The following PPARGC1A variants were observed in gnomAD, a reference collection of about 807,000 sequenced individuals.
PPARGC1A encodes peroxisome proliferator-activated receptor gamma coactivator 1-alpha.
A neutral mutation model predicts 88.7 loss-of-function variants in PPARGC1A; 25 were observed. The ratio of observed to expected loss-of-function variants is 0.28; its 90% CI spans 0.21 to 0.39. PPARGC1A has a LOEUF of 0.39. PPARGC1A is among the 10% of genes least tolerant of loss of function. The pLI, the probability that PPARGC1A is intolerant of heterozygous loss-of-function variation, is 1.00. For missense variants in PPARGC1A, 880 were observed against 968.7 expected, an observed-to-expected ratio of 0.91 and a Z score of 1.22; for synonymous variants, 363 against 355.6, an observed-to-expected ratio of 1.02 and a Z score of -0.24.
At chr4:23,857,798 T>G (rs1048596726) in intron 2 of PPARGC1A, among the ~76,000 whole-genome samples, 1 of 151,798 alleles carries the variant, frequency 6.6e-6, no homozygotes. Flanking sequence ...CTATTGACAT[T>G]TGAATCGTGA....
the PPARGC1A span, among the ~76,000 whole-genome samples, chr4:24,368,829 C>T: frequency 6.6e-6 from 1 of 152,086 alleles, no homozygotes; most frequent in East Asian, 1.9e-4. Context: ...TCAGGAGACG[C>T]GGAAGAAACG....
chr4:23,954,058 A>G, the PPARGC1A span, among the ~76,000 whole-genome samples: 1 of 151,930 alleles, frequency 6.6e-6, no homozygotes, highest in Non-Finnish European at 1.5e-5. Flanking sequence ...AACTCTGCAT[A>G]GCAATTTCAC....
rs1393162482 is a variant in PPARGC1A at position 23,793,653 on chromosome 4, A to G, written c.*2169T>C. ...AACTTGAATACACACTCCAAATGTT[A>G]CTGAATTCCATTCCAGGGACTCCAC... On this transcript the variant is annotated 3_prime_UTR_variant, in exon 13 of 13. Transcript: ENST00000264867. 1 of 152,184 alleles carries G rather than the reference A, an allele frequency of 6.6e-6. No individual in the cohort carries two copies. The highest frequency in any genetic ancestry group is 6.6e-5 in the Admixed American group (1 of 15,264). 9.4% of individuals were successfully genotyped at this position (152,184 alleles called of 1,614,324 possible).
chr4:23,895,960 GTGTGTGTGTGTGTGTGTGTGTATA>G (rs1372678632), intron 1 of PPARGC1A, among the ~76,000 whole-genome samples: 2 of 52,190 alleles, frequency 3.8e-5, no homozygotes, highest in African/African-American at 3.6e-4. Flanking sequence ...GTGTGTGTGT[GTGTGTGTGTGTGTGTGTGTGTATA>G]TATATATACA....
chr4:24,117,154 T>C, the PPARGC1A span, among the ~76,000 whole-genome samples: 2 of 152,136 alleles, frequency 1.3e-5, no homozygotes, highest in African/African-American at 4.8e-5. Context: ...CCCAAAGTAA[T>C]AATATCCCAT....
At chr4:24,268,778 G>A in the PPARGC1A span, among the ~76,000 whole-genome samples, 6 of 152,124 alleles carry the variant, frequency 3.9e-5, no homozygotes, top group African/African-American at 1.4e-4. Flanking sequence ...AAATAATTCT[G>A]ATTAAAATAT....
chr4:24,172,593 T>A, the PPARGC1A span, among the ~76,000 whole-genome samples: 1 of 152,160 alleles, frequency 6.6e-6, no homozygotes, highest in Non-Finnish European at 1.5e-5. Context: ...AAGAGGAGGA[T>A]TAAAGTCCTA....
intron 4 of PPARGC1A, 137 bp from the exon 5 acceptor site, chr4:23,828,741 T>A (rs1272030892): frequency 4.1e-6 from 3 of 725,398 alleles, no homozygotes; most frequent in Non-Finnish European, 6.9e-6. Flanking sequence ...TGTGAATAAC[T>A]GTTTGCAGAA....
the PPARGC1A span, among the ~76,000 whole-genome samples, chr4:24,165,513 A>T: frequency 6.6e-6 from 1 of 151,972 alleles, no homozygotes; most frequent in Non-Finnish European, 1.5e-5. Context: ...AGATAATGCA[A>T]TTTTTTTTAC....
At chr4:24,091,521 G>A in the PPARGC1A span, 10 of 985,332 alleles carry the variant, frequency 1.0e-5, no homozygotes, top group Non-Finnish European at 1.2e-5. Context: ...TCCAGCCTTG[G>A]GGAGGTCTCA....
At chr4:24,050,463 TGGGATTACA>T in the PPARGC1A span, among the ~76,000 whole-genome samples, 1 of 152,102 alleles carries the variant, frequency 6.6e-6, no homozygotes, top group East Asian at 1.9e-4. Flanking sequence ...CCCAAAGTGC[TGGGATTACA>T]GGCGTGAGCT....
chr4:24,144,852 G>A, the PPARGC1A span, among the ~76,000 whole-genome samples: 1 of 151,548 alleles, frequency 6.6e-6, no homozygotes, highest in Non-Finnish European at 1.5e-5. Context: ...TCACCGAGGT[G>A]GTATTTTGGT....
the PPARGC1A span, among the ~76,000 whole-genome samples, chr4:24,459,747 C>T: frequency 6.6e-5 from 10 of 152,284 alleles, no homozygotes; most frequent in Admixed American, 1.3e-4. Context: ...GCCAAGATTG[C>T]GCCGCTGAAA....
At chr4:23,808,407 T>C (rs890085708) in intron 10 of PPARGC1A, among the ~76,000 whole-genome samples, 5 of 152,052 alleles carry the variant, frequency 3.3e-5, no homozygotes, top group African/African-American at 1.2e-4. Context: ...CCTGAGCACA[T>C]CTAGTTTTGG....
the PPARGC1A span, among the ~76,000 whole-genome samples, chr4:24,238,745 ATGTGTGTG>A: frequency 0.015 from 1,880 of 121,822 alleles, 13 homozygotes; most frequent in South Asian, 0.027. Context: ...AAGGTTGTAT[ATGTGTGTG>A]TGTGTGTGTG....
the PPARGC1A span, among the ~76,000 whole-genome samples, chr4:23,987,789 C>T: frequency 6.6e-6 from 1 of 151,810 alleles, no homozygotes; most frequent in Non-Finnish European, 1.5e-5. Context: ...TCTACAGATG[C>T]CTTTATTATT....
the PPARGC1A span, among the ~76,000 whole-genome samples, chr4:24,153,720 AAT>A: frequency 6.6e-6 from 1 of 152,216 alleles, no homozygotes; most frequent in Non-Finnish European, 1.5e-5. Flanking sequence ...TGCTATAATT[AAT>A]AGAGGTTAAT....
At chr4:24,129,220 T>C in the PPARGC1A span, among the ~76,000 whole-genome samples, 1 of 151,588 alleles carries the variant, frequency 6.6e-6, no homozygotes, top group Admixed American at 6.6e-5. Flanking sequence ...ATTTCATCTT[T>C]CGGATTTCAA....
chr4:23,848,690 A>AT (rs1274226466), intron 2 of PPARGC1A, among the ~76,000 whole-genome samples: 2 of 152,102 alleles, frequency 1.3e-5, no homozygotes, highest in Non-Finnish European at 2.9e-5. Flanking sequence ...AGGACCTCTC[A>AT]TTTTTTGCTG....
Sources: gnomAD v4.1 joint callset for allele counts (sites outside exome capture counted in the v4.1 genomes callset) on GRCh38, gnomAD v4.1.1 for gene constraint, MANE v1.5 for transcripts, NCBI Gene and HGNC (gene_info 2026-07-23, HGNC 2026-07-21) for gene names.